The following LARS2 variants were observed in gnomAD, a reference collection of about 807,000 sequenced individuals.
LARS2 encodes leucyl-tRNA synthetase 2, mitochondrial, also known as leucine--tRNA ligase, mitochondrial.
In LARS2, 81 loss-of-function variants were observed where a neutral mutation model predicts 116.6. The ratio of observed to expected loss-of-function variants is 0.69; its 90% CI spans 0.58 to 0.84. LARS2 has a LOEUF of 0.84. Among genes scored for constraint, LARS2 ranks in the 40% least tolerant of loss-of-function variants. LARS2 has a pLI of 0.00. For missense variants in LARS2, 968 were observed against 1,114.5 expected, an observed-to-expected ratio of 0.87 and a Z score of 1.87; for synonymous variants, 396 against 407.2, an observed-to-expected ratio of 0.97 and a Z score of 0.33.
At chr3:45,476,011 T>C (rs1311904733) in intron 9 of LARS2, among the ~76,000 whole-genome samples, 1 of 152,062 alleles carries the variant, frequency 6.6e-6, no homozygotes, top group Non-Finnish European at 1.5e-5. Context: ...CCTTTCTCTC[T>C]TCAAAGCAGT....
chr3:45,547,436 G>A lies in LARS2; in HGVS notation c.2618G>A (p.Ser873Asn). The A allele has an allele frequency of 6.2e-7, 1 of 1,613,918 alleles. No individual in the cohort carries two copies. The highest frequency in any genetic ancestry group is 8.5e-7 in the Non-Finnish European group (1 of 1,179,934). ...QDKVHEFVLQ[S>N]ELGVRLLQGR... ...AAAGTCCACGAATTTGTTCTTCAAA[G>A]CGAGCTGGGTGTCAGGCTTTTGCAA... The change falls in exon 22 of 22, where the codon AGC (serine) becomes AAC (asparagine). Residue 873 changes from serine (S) to asparagine (N), a missense_variant. By Grantham distance (46) the Ser-to-Asn change is conservative. Transcript: ENST00000645846.
intron 10 of LARS2, 132 bp downstream of exon 10, chr3:45,476,759 T>C: frequency 1.2e-6 from 1 of 853,190 alleles, no homozygotes; most frequent in Non-Finnish European, 1.8e-6. Context: ...TGATTTTTTA[T>C]GTTTTTATTT....
chr3:45,524,435 A>AC (rs1426248154), intron 20 of LARS2, among the ~76,000 whole-genome samples: 1 of 152,176 alleles, frequency 6.6e-6, no homozygotes, highest in East Asian at 1.9e-4. Flanking sequence ...ATAAAAACTC[A>AC]TGTTTAATAC....
chr3:45,526,302 C>A (rs1285646056), intron 20 of LARS2, among the ~76,000 whole-genome samples: 1 of 152,166 alleles, frequency 6.6e-6, no homozygotes, highest in Non-Finnish European at 1.5e-5. Flanking sequence ...ATCAAAAGTT[C>A]CCCAAAGGGA....
intron 13 of LARS2, among the ~76,000 whole-genome samples, chr3:45,495,066 T>C (rs1384666956): frequency 6.6e-6 from 1 of 152,130 alleles, no homozygotes; most frequent in Non-Finnish European, 1.5e-5. Context: ...AGACTCCATC[T>C]CAAAATAAAA....
chr3:45,505,907 C>A (rs1040672158), intron 15 of LARS2, among the ~76,000 whole-genome samples: 3 of 151,986 alleles, frequency 2.0e-5, no homozygotes, highest in African/African-American at 7.2e-5. Flanking sequence ...TAGTTTAAGA[C>A]TATATTCAAG....
At chr3:45,473,644 A>G (rs1699564165) in intron 8 of LARS2, among the ~76,000 whole-genome samples, 1 of 150,516 alleles carries the variant, frequency 6.6e-6, no homozygotes, top group Non-Finnish European at 1.5e-5. Flanking sequence ...TCAGCCTGCC[A>G]AAGTGCTGAT....
chr3:45,528,177 A>T (rs1700560152), intron 20 of LARS2, among the ~76,000 whole-genome samples: 1 of 152,014 alleles, frequency 6.6e-6, no homozygotes, highest in African/African-American at 2.4e-5. Flanking sequence ...TCTCTACAAA[A>T]AATTTTAAAA....
chr3:45,513,336 G>A (rs900226939), intron 16 of LARS2, 101 bp downstream of exon 16: 1 of 805,598 alleles, frequency 1.2e-6, no homozygotes, highest in Non-Finnish European at 2.2e-6. Flanking sequence ...GAGTGGGGAG[G>A]ATGCAGGAGA....
At chr3:45,507,802 G>A (rs542358053) in intron 15 of LARS2, among the ~76,000 whole-genome samples, 1 of 151,982 alleles carries the variant, frequency 6.6e-6, no homozygotes, top group Non-Finnish European at 1.5e-5. Context: ...TCTCTGGGTG[G>A]TGAGCCCAAT....
intron 9 of LARS2, among the ~76,000 whole-genome samples, chr3:45,475,064 G>A (rs1699589011): frequency 2.0e-5 from 3 of 152,136 alleles, no homozygotes; most frequent in Non-Finnish European, 4.4e-5. Context: ...TTTTACCTGG[G>A]CATTCTTTTT....
chr3:45,455,857 T>G (rs1484154822), intron 7 of LARS2, among the ~76,000 whole-genome samples: 1 of 152,072 alleles, frequency 6.6e-6, no homozygotes, highest in Non-Finnish European at 1.5e-5. Flanking sequence ...CAGGGATGAA[T>G]CTAGAAGACA....
At chr3:45,424,306 T>C (rs1286286275) in intron 6 of LARS2, among the ~76,000 whole-genome samples, 8 of 152,228 alleles carry the variant, frequency 5.3e-5, no homozygotes, top group Admixed American at 5.2e-4. Context: ...TTAAATAGGC[T>C]CAGAACACCT....
chr3:45,462,215 T>C (rs1270089114), intron 8 of LARS2, among the ~76,000 whole-genome samples: 1 of 152,128 alleles, frequency 6.6e-6, no homozygotes, highest in African/African-American at 2.4e-5. Flanking sequence ...TCAGTAGTTC[T>C]CTTGGCCCTT....
At chr3:45,476,381 AGGGAAG>A in intron 9 of LARS2, 81 bp from the exon 10 acceptor site, 2 of 1,375,236 alleles carry the variant, frequency 1.5e-6, no homozygotes, top group Non-Finnish European at 2.1e-6. Context: ...GGGAATGAGG[AGGGAAG>A]GGGAAGGGGA....
intron 4 of LARS2, among the ~76,000 whole-genome samples, chr3:45,401,027 G>A (rs1698138719): frequency 1.3e-5 from 2 of 152,116 alleles, no homozygotes; most frequent in South Asian, 4.1e-4. Flanking sequence ...TAGCCAGGAT[G>A]GTCTTGATTT....
intron 7 of LARS2, among the ~76,000 whole-genome samples, chr3:45,454,005 A>C (rs1221048212): frequency 1.9e-4 from 29 of 152,030 alleles, no homozygotes; most frequent in Admixed American, 1.9e-3. Context: ...AGGGACAGGC[A>C]CCCTGTGTGA....
intron 7 of LARS2, among the ~76,000 whole-genome samples, chr3:45,451,382 T>G (rs1003795267): frequency 6.6e-6 from 1 of 152,104 alleles, no homozygotes; most frequent in Non-Finnish European, 1.5e-5. Flanking sequence ...TTTTTTTATA[T>G]GGTGAAAAAT....
chr3:45,536,592 A>T, intron 20 of LARS2, among the ~76,000 whole-genome samples: 1 of 152,214 alleles, frequency 6.6e-6, no homozygotes, highest in East Asian at 1.9e-4. Context: ...GAGTGAACTC[A>T]CTTCTGTATG....
Sources: gnomAD v4.1 joint callset for allele counts (sites outside exome capture counted in the v4.1 genomes callset) on GRCh38, gnomAD v4.1.1 for gene constraint, MANE v1.5 for transcripts, NCBI Gene and HGNC (gene_info 2026-07-23, HGNC 2026-07-21) for gene names.